CGNL1: variants seen among roughly 807,000 people sequenced by gnomAD.
CGNL1 encodes the protein cingulin like 1.
A neutral mutation model predicts 141.2 loss-of-function variants in CGNL1; 132 were observed. The observed-to-expected ratio is 0.93, with a 90% CI of 0.81 to 1.08. The LOEUF (loss-of-function observed/expected upper bound fraction) is 1.08. CGNL1 is among the 50% of genes least tolerant of loss of function. CGNL1 has a pLI of 0.00. For missense variants in CGNL1, 1,870 were observed against 1,588.6 expected (o/e 1.18, Z -3.01); for synonymous variants, 690 against 622.1 (o/e 1.11, Z -1.63).
chr15:57,505,209 A>ACC (rs2064085180), intron 8 of CGNL1, among the ~76,000 whole-genome samples: 1 of 152,200 alleles, frequency 6.6e-6, no homozygotes, highest in Non-Finnish European at 1.5e-5. Flanking sequence ...TGGGTGGTAC[A>ACC]CAGTAATTCC....
chr15:57,496,924 AG>A lies in CGNL1; in HGVS notation c.2404-19852del, dbSNP rs138193055. 1.0e-3 allele frequency among the ~76,000 whole-genome samples: 155 copies of A among 152,306 alleles called. 6 individuals are homozygous for A. In the East Asian group the frequency reaches 0.023, roughly 22 times the overall value. ...TAGACTCAGAGAGGGGAGAAGAGCC[AG>A]GGGCCAGGCACAGCAACAGCTCTGT... On this transcript the variant is annotated intron_variant, in intron 8 of 18. Coordinates refer to ENST00000281282, the MANE Select transcript of CGNL1 (RefSeq NM_032866.5).
At chr15:57,383,292 C>CTTTTTTTTTTTTTTCTTTTTTTTTTTT (rs59213732) in intron 1 of CGNL1, among the ~76,000 whole-genome samples, 1 of 109,602 alleles carries the variant, frequency 9.1e-6, no homozygotes, top group African/African-American at 3.6e-5. Context: ...TTCTTTCTTC[C>CTTTTTTTTTTTTTTCTTTTTTTTTTTT]TTTTTTTTTT....
At chr15:57,425,850 A>C (rs1329954624) in intron 1 of CGNL1, among the ~76,000 whole-genome samples, 1 of 152,012 alleles carries the variant, frequency 6.6e-6, no homozygotes, top group Non-Finnish European at 1.5e-5. Context: ...TTAAAACTTC[A>C]ATTTTGGATT....
At chr15:57,444,186 A>C (rs543026070) in intron 4 of CGNL1, among the ~76,000 whole-genome samples, 8 of 152,206 alleles carry the variant, frequency 5.3e-5, no homozygotes, top group African/African-American at 1.7e-4. Context: ...CTTTTATATA[A>C]ATTTTCACAA....
chr15:57,452,747 G>A (rs149901559), intron 6 of CGNL1, among the ~76,000 whole-genome samples: 2 of 152,248 alleles, frequency 1.3e-5, no homozygotes, highest in African/African-American at 4.8e-5. Flanking sequence ...AGGAAAGTTA[G>A]GTCCAAGATG....
intron 8 of CGNL1, among the ~76,000 whole-genome samples, chr15:57,515,598 G>A (rs2030707961): frequency 6.6e-6 from 1 of 152,134 alleles, no homozygotes; most frequent in Admixed American, 6.5e-5. Context: ...GGACAGGTAA[G>A]AGATCTGCCT....
intron 1 of CGNL1, among the ~76,000 whole-genome samples, chr15:57,377,448 C>T (rs551211104): frequency 2.6e-5 from 4 of 152,288 alleles, no homozygotes; most frequent in African/African-American, 7.2e-5. Flanking sequence ...TAAGACGCCG[C>T]AGGTGATTCT....
chr15:57,379,091 G>T (rs1595636672), intron 1 of CGNL1, among the ~76,000 whole-genome samples: 1 of 152,074 alleles, frequency 6.6e-6, no homozygotes, highest in Non-Finnish European at 1.5e-5. Context: ...CCAACAAAAT[G>T]AAGCCATATT....
intron 8 of CGNL1, among the ~76,000 whole-genome samples, chr15:57,511,577 C>G (rs2030308237): frequency 6.6e-6 from 1 of 152,170 alleles, no homozygotes; most frequent in African/African-American, 2.4e-5. Flanking sequence ...AGTTTCTAGC[C>G]CCACCAGCAA....
chr15:57,422,213 G>T (rs1331697933), intron 1 of CGNL1, among the ~76,000 whole-genome samples: 1 of 135,806 alleles, frequency 7.4e-6, no homozygotes. Flanking sequence ...TCCTTTCCTT[G>T]CAGTTATTTT....
intron 13 of CGNL1, among the ~76,000 whole-genome samples, chr15:57,529,492 A>C (rs117956874): frequency 6.6e-6 from 1 of 151,856 alleles, no homozygotes; most frequent in Non-Finnish European, 1.5e-5. Flanking sequence ...GACAAGAAGA[A>C]CCTTAGAATC....
intron 1 of CGNL1, among the ~76,000 whole-genome samples, chr15:57,433,821 G>A (rs960129245): frequency 3.3e-5 from 5 of 152,202 alleles, no homozygotes; most frequent in Middle Eastern, 3.2e-3. Flanking sequence ...GCAGCCAGGC[G>A]TGTGCAGCCC....
Position 57,544,514 on chromosome 15 carries a change from C to G in CGNL1, c.3417C>G (p.Ser1139=). The G allele has an allele frequency of 6.2e-7, 1 of 1,613,652 alleles. No individual in the cohort carries two copies. Among genetic ancestry groups the G allele is most frequent in the African/African-American group, 1.3e-5 (1 of 75,052 alleles). Residue 1139 remains serine, a synonymous_variant, in exon 16 of 19, where the codon TCC becomes TCG. Transcript: ENST00000281282. ...LKSRIIHLEG[S]YRSSKEGLVV... ...GCCGGATTATCCACCTGGAAGGTTC[C>G]TACAGGTCCAGCAAAGAGGGGCTGG...
At chr15:57,541,003 T>C (rs2140230879) in intron 14 of CGNL1, among the ~76,000 whole-genome samples, 1 of 152,330 alleles carries the variant, frequency 6.6e-6, no homozygotes, top group Non-Finnish European at 1.5e-5. Flanking sequence ...GGCAGGCGCC[T>C]CTGGCTTCCT....
In CGNL1 at chr15:57,535,378, A is replaced by G. The variant is rs1029965849; in HGVS notation, c.3291+3599A>G. Among the ~76,000 whole-genome samples the G allele has an allele frequency of 3.3e-5, 5 of 152,356 alleles. No individual in the cohort carries two copies. The East Asian group carries it at 9.6e-4, about 29-fold the overall frequency. ...TAGAAAACAGTGGATACTAAATGCC[A>G]AGTAAAAGATTCAAGCAGCTAATGA... On this transcript the variant is annotated intron_variant, in intron 14 of 18. Coordinates refer to ENST00000281282, the MANE Select transcript of CGNL1 (RefSeq NM_032866.5).
At chr15:57,519,912 T>A (rs1474130327) in intron 10 of CGNL1, among the ~76,000 whole-genome samples, 1 of 152,216 alleles carries the variant, frequency 6.6e-6, no homozygotes, top group Non-Finnish European at 1.5e-5. Flanking sequence ...CGGAAGTGGT[T>A]CCCCTGCTGG....
chr15:57,531,227 C>A (rs2031935363), intron 13 of CGNL1, among the ~76,000 whole-genome samples: 1 of 152,176 alleles, frequency 6.6e-6, no homozygotes, highest in African/African-American at 2.4e-5. Flanking sequence ...CATGCTGTTC[C>A]TTAGAAGGCT....
intron 8 of CGNL1, among the ~76,000 whole-genome samples, chr15:57,513,045 A>G (rs2030453796): frequency 6.6e-6 from 1 of 151,968 alleles, no homozygotes; most frequent in Non-Finnish European, 1.5e-5. Context: ...TGGTTTTAGT[A>G]TTCACACAGT....
chr15:57,517,519 T>C (rs1333635360), intron 9 of CGNL1, among the ~76,000 whole-genome samples: 1 of 152,222 alleles, frequency 6.6e-6, no homozygotes, highest in South Asian at 2.1e-4. Context: ...TAGTCTGTCC[T>C]GTGCTGCTAT....
Sources: gnomAD v4.1 joint callset for allele counts (sites outside exome capture counted in the v4.1 genomes callset) on GRCh38, gnomAD v4.1.1 for gene constraint, MANE v1.5 for transcripts, NCBI Gene and HGNC (gene_info 2026-07-23, HGNC 2026-07-21) for gene names.